EP400: variants seen among roughly 807,000 people sequenced by gnomAD.
EP400 encodes the protein E1A-binding protein p400.
EP400 carries 105 observed loss-of-function variants against 354.1 expected under a neutral mutation model. That is an observed-to-expected ratio of 0.30 (90% CI 0.25 to 0.35). The LOEUF (loss-of-function observed/expected upper bound fraction) is 0.35, where lower values mean the gene tolerates loss of function less well. Ranked by LOEUF, EP400 falls within the 10% of genes least tolerant of loss-of-function variation. The pLI is 1.00. For synonymous variants in EP400, 1,646 were observed against 1,716.9 expected (o/e 0.96, Z 1.02); for missense variants, 3,280 against 4,121.0 (o/e 0.80, Z 5.59).
chr12:131,976,960 T>G (rs1410934264), intron 2 of EP400, among the ~76,000 whole-genome samples: 1 of 152,182 alleles, frequency 6.6e-6, no homozygotes, highest in South Asian at 2.1e-4. Context: ...AGCCGTTCCA[T>G]AGAGCACAGA....
rs755216318 is a variant in EP400 at position 132,062,161 on chromosome 12, C to T, written c.7936C>T (p.Arg2646Trp). 4 of 1,613,926 alleles carry T rather than the reference C, an allele frequency of 2.5e-6. No individual in the cohort carries two copies. The highest frequency in any genetic ancestry group is 3.3e-5 in the Admixed American group (2 of 60,004). The stretch of plus-strand genomic sequence containing the variant: ...GGTGGTGCACACCCAGCCCCCGCCA[C>T]GGGCAGTCGGCTCCCCAGCCACGGC... The part of the protein sequence containing the change: ...AQVVHTQPPP[R>W]AVGSPATATP... The change falls in exon 46 of 53, where the codon CGG becomes TGG. Residue 2646 changes from arginine (R) to tryptophan (W), a missense_variant. Arg to Trp is a moderately radical substitution (Grantham distance 101). Coordinates refer to ENST00000389561, the MANE Select transcript of EP400 (RefSeq NM_015409.5).
chr12:131,979,569 G>A (rs908181197), intron 2 of EP400, 125 bp from the exon 3 acceptor site: 1 of 710,044 alleles, frequency 1.4e-6, no homozygotes, highest in Middle Eastern at 2.9e-4. Flanking sequence ...AAAGACACGG[G>A]GTAGATAACA....
At position 132,076,521 on chromosome 12, in the gene EP400, A is replaced by G. The variant is rs572037651; in HGVS notation, c.9027A>G (p.Ala3009=). The G allele has an allele frequency of 1.4e-5, 23 of 1,614,192 alleles. No homozygotes were observed. In the South Asian group the frequency reaches 2.4e-4, roughly 17 times the overall value. ...AQQVQTQIQV[A]KLPQVVQQQT... ...CTTTTTTTGTTTTGTCAAAGGTTGC[A>G]AAACTTCCTCAAGTTGTTCAACAGC... Residue 3009 remains alanine, a synonymous_variant, in exon 52 of 53, where the codon GCA becomes GCG. Coordinates refer to ENST00000389561, the MANE Select transcript of EP400 (RefSeq NM_015409.5).
chr12:132,022,315 G>A (rs1213956236), intron 23 of EP400, among the ~76,000 whole-genome samples: 1 of 152,210 alleles, frequency 6.6e-6, no homozygotes, highest in Non-Finnish European at 1.5e-5. Flanking sequence ...GTCCTCACCT[G>A]TGTATGGAAC....
Position 131,961,415 on chromosome 12 carries a change from C to T in EP400, c.796C>T (p.Pro266Ser). 6.9e-7 allele frequency: 1 copy of T among 1,452,264 alleles called. No individual in the cohort carries two copies. Among genetic ancestry groups the T allele is most frequent in the Non-Finnish European group, 9.4e-7 (1 of 1,062,486 alleles). 90.0% of individuals were successfully genotyped at this position (1,452,264 alleles called of 1,614,324 possible). A position where few individuals can be genotyped will look rare whatever the true frequency, so the allele number is the denominator to read the frequency against. Residue 266 changes from proline (P) to serine (S), a missense_variant, in exon 2 of 53, where the codon CCG becomes TCG. Coordinates refer to ENST00000389561, the MANE Select transcript of EP400 (RefSeq NM_015409.5). ...CCACATCACCACGGCTAACTTGCCA[C>T]CGCAGATCAGCAGCATCATCCAGGG... is the stretch of plus-strand genomic sequence containing the variant. The part of the protein sequence containing the change: ...PSHITTANLP[P>S]QISSIIQGQL...
In EP400 at chr12:132,053,379, G is replaced by A. The variant is rs780911560; in HGVS notation, c.7510G>A (p.Val2504Met). 1.3e-5 allele frequency: 21 copies of A among 1,567,434 alleles called. No homozygotes were observed. Among genetic ancestry groups the A allele is most frequent in the East Asian group, 6.8e-5 (3 of 44,368 alleles). The change falls in exon 43 of 53, where the codon GTG becomes ATG. Residue 2504 changes from valine (V) to methionine (M), a missense_variant. Val to Met is a conservative substitution (Grantham distance 21, BLOSUM62 1). Coordinates refer to ENST00000389561, the MANE Select transcript of EP400 (RefSeq NM_015409.5). ...ADQQKAQQPA[V>M]AQPPPPQPQP... ...TCAGCAGAAGGCACAGCAGCCGGCCGTGGCCCAGCCACCCCCGCCCCAGCC... is the reference window on the plus strand; with the variant it reads ...TCAGCAGAAGGCACAGCAGCCGGCCATGGCCCAGCCACCCCCGCCCCAGCC...
chr12:132,037,075 T>C (rs1943324942), intron 30 of EP400, among the ~76,000 whole-genome samples: 1 of 152,182 alleles, frequency 6.6e-6, no homozygotes, highest in African/African-American at 2.4e-5. Flanking sequence ...ATGAGCCTCA[T>C]GGGAAGGCAA....
chr12:132,031,806 C>T (rs572901013), intron 29 of EP400, 147 bp from the exon 30 acceptor site: 74 of 703,710 alleles, frequency 1.1e-4, no homozygotes, highest in Middle Eastern at 4.2e-4. Context: ...CCACCCACCT[C>T]GGCCTCCCAA....
rs1392989025 is a variant in EP400, at chr12:132,018,452, A to T, written c.4277+76A>T. ...AGCTGACCCAGGTCTATGCGTGGTGAAAAGAAAGGCTGCTAATGTAGTTAG... is the reference window on the plus strand; with the variant it reads ...AGCTGACCCAGGTCTATGCGTGGTGTAAAGAAAGGCTGCTAATGTAGTTAG... On this transcript the variant is annotated intron_variant, in intron 21 of 52. Coordinates refer to ENST00000389561, the MANE Select transcript of EP400 (RefSeq NM_015409.5). This position sits in a 1 kb window ranked among gnomAD's most constrained non-coding sequence, Gnocchi z 4.0. The T allele has an allele frequency of 1.3e-6, 2 of 1,521,016 alleles. No individual in the cohort carries two copies. The highest frequency in any genetic ancestry group is 2.8e-5 in the African/African-American group (2 of 71,626). The allele number at this position is 1,521,016 out of a possible 1,614,324, so 94.2% of individuals were successfully genotyped here. A position where few individuals can be genotyped will look rare whatever the true frequency, so the allele number is the denominator to read the frequency against.
At chr12:132,071,175 G>T (rs951277433) in intron 51 of EP400, among the ~76,000 whole-genome samples, 48 of 151,920 alleles carry the variant, frequency 3.2e-4, no homozygotes, top group Non-Finnish European at 3.2e-4. Context: ...TGAAGTTTCT[G>T]TTCCTCTTTG....
intron 23 of EP400, among the ~76,000 whole-genome samples, chr12:132,023,299 ATTTT>A (rs767816284): frequency 5.6e-5 from 4 of 71,040 alleles, no homozygotes; most frequent in African/African-American, 8.3e-5. Context: ...TGCCCAGCTA[ATTTT>A]TTTTTTTTTT....
Position 132,037,761 on chromosome 12 carries a change from G to A in EP400, c.6031G>A (p.Gly2011Arg). 6.2e-7 allele frequency: 1 copy of A among 1,614,178 alleles called. No homozygotes were observed. ...TCTGATCCGAGAAGTGGCTGCTCAG[G>A]GAAATGACTACTCCATGGCTTTCTT... ...KDLIREVAAQ[G>R]NDYSMAFLTQ... Residue 2011 changes from glycine (G) to arginine (R), a missense_variant, in exon 31 of 53, where the codon GGA becomes AGA. Transcript: ENST00000389561.
rs1894111941 is a variant in EP400, at chr12:132,021,223, A to AGCCCCC, written c.4598_4603dup (p.Pro1533_Pro1534dup). ...ACAGCACAGGCCTCCACCCCAGGCC[A>AGCCCCC]GCCCCCGCCCCAGCCCCAGGCCCCC... On this transcript the variant is annotated inframe_insertion, in exon 23 of 53. Coordinates refer to ENST00000389561, the MANE Select transcript of EP400 (RefSeq NM_015409.5). The AGCCCCC allele has an allele frequency of 6.3e-7, 1 of 1,587,378 alleles. No homozygotes were observed. The highest frequency in any genetic ancestry group is 1.7e-5 in the Admixed American group (1 of 58,548).
At position 132,006,108 on chromosome 12, in the gene EP400, A is replaced by G. The variant is rs1893570028; in HGVS notation, c.2936-4A>G. On this transcript the variant is annotated splice_polypyrimidine_tract_variant and splice_region_variant and intron_variant, in intron 13 of 52. Transcript: ENST00000389561. ...CTCACTTCTCTGTTTTATTGTCGTTACAGATGCAGATGACTGTCCAGGCGA... is the reference window on the plus strand; with the variant it reads ...CTCACTTCTCTGTTTTATTGTCGTTGCAGATGCAGATGACTGTCCAGGCGA... 1 of 1,612,210 alleles carries G rather than the reference A, an allele frequency of 6.2e-7. No individual in the cohort carries two copies. Among genetic ancestry groups the G allele is most frequent in the South Asian group, 1.1e-5 (1 of 90,964 alleles).
At chr12:131,981,629 C>T (rs1429295406) in intron 4 of EP400, 33 bp downstream of exon 4, 2 of 1,537,386 alleles carry the variant, frequency 1.3e-6, no homozygotes. Context: ...GCTCCCCGCT[C>T]AGGAGCAGGC....
intron 2 of EP400, among the ~76,000 whole-genome samples, chr12:131,978,803 C>T (rs1338729702): frequency 6.6e-6 from 1 of 152,220 alleles, no homozygotes; most frequent in Non-Finnish European, 1.5e-5. Flanking sequence ...TAAGCCACCA[C>T]ACCTGGTGAT....
At chr12:132,062,789 A>C in intron 47 of EP400, 88 bp downstream of exon 47, 1 of 1,525,770 alleles carries the variant, frequency 6.6e-7, no homozygotes. Flanking sequence ...TGCATGGTGC[A>C]GTCCAGAGTG....
chr12:132,043,248 A>T (rs1029625142), intron 32 of EP400, 56 bp from the exon 33 acceptor site: 145 of 1,566,652 alleles, frequency 9.3e-5, no homozygotes, highest in Non-Finnish European at 1.2e-4. Flanking sequence ...GCTCTTTTTC[A>T]AACTACCCTC....
intron 1 of EP400, among the ~76,000 whole-genome samples, chr12:131,954,056 T>C (rs1891608401): frequency 6.6e-6 from 1 of 152,002 alleles, no homozygotes; most frequent in East Asian, 1.9e-4. Context: ...GAGGTTGCAG[T>C]GAGCTGAGAT....
Sources: allele counts gnomAD v4.1 joint callset (sites outside exome capture counted in the v4.1 genomes callset), GRCh38; gene constraint gnomAD v4.1.1; non-coding constraint Gnocchi (gnomAD v3.1); transcripts MANE v1.5; gene names NCBI Gene and HGNC (gene_info 2026-07-23, HGNC 2026-07-21).